Variants in GLIS1 observed in about 807,000 individuals in gnomAD.
The protein encoded by GLIS1 is zinc finger protein GLIS1.
In GLIS1, 24 loss-of-function variants were observed where a neutral mutation model predicts 63.8. That is an observed-to-expected ratio of 0.38 (90% confidence interval 0.27 to 0.53). GLIS1 has a LOEUF of 0.53. GLIS1 is among the 20% of genes least tolerant of loss of function. The probability of loss-of-function intolerance (pLI) is 0.85; values close to 1 mark genes in which losing one functional copy is unlikely to be tolerated. For synonymous variants in GLIS1, 450 were observed against 482.5 expected (o/e 0.93, Z 0.88); for missense variants, 1,036 against 1,074.1 (o/e 0.96, Z 0.50).
intron 10 of GLIS1, among the ~76,000 whole-genome samples, 167 bp from the exon 11 acceptor site, chr1:53,506,943 G>T (rs557621617): frequency 6.6e-6 from 1 of 152,164 alleles, no homozygotes; most frequent in Non-Finnish European, 1.5e-5. Flanking sequence ...GGAGCTGGCC[G>T]CTGGGGTGGG....
At chr1:53,734,421 G>A (rs1217418635) in intron 2 of GLIS1, among the ~76,000 whole-genome samples, 6 of 152,196 alleles carry the variant, frequency 3.9e-5, no homozygotes, top group South Asian at 2.1e-4. Context: ...GAAGGCCTTC[G>A]TGTGAATGCC....
intron 2 of GLIS1, among the ~76,000 whole-genome samples, chr1:53,690,533 T>C (rs1178414908): frequency 6.6e-6 from 1 of 152,242 alleles, no homozygotes; most frequent in Non-Finnish European, 1.5e-5. Context: ...AACGTCTGCA[T>C]CTGGCAATGG....
rs1459258594 is a variant in GLIS1 at position 53,524,802 on chromosome 1, G to C, written c.1568C>G (p.Ala523Gly). 2 of 1,613,482 alleles carry C rather than the reference G, an allele frequency of 1.2e-6. No homozygotes were observed. Among genetic ancestry groups the C allele is most frequent in the African/African-American group, 2.7e-5 (2 of 75,048 alleles). Residue 523 changes from alanine (A) to glycine (G), a missense_variant, in exon 6 of 11, where the codon GCC (alanine) becomes GGC (glycine). Physicochemically the swap from Ala to Gly is moderately conservative, Grantham distance 60. Coordinates refer to ENST00000628545, the MANE Select transcript of GLIS1 (RefSeq NM_001367484.1). Reference sequence around the variant, plus strand: ...CTTCTTACGCACCTGCTGCTCTTTGGCTGAATGGGCCTTGACGTGCTTGCG... The same window carrying C: ...CTTCTTACGCACCTGCTGCTCTTTGCCTGAATGGGCCTTGACGTGCTTGCG... The part of the protein sequence containing the change: ...SLRKHVKAHS[A>G]KEQQVRKKLH...
At chr1:53,551,973 A>C (rs1406822986) in intron 4 of GLIS1, among the ~76,000 whole-genome samples, 1 of 152,016 alleles carries the variant, frequency 6.6e-6, no homozygotes, top group East Asian at 1.9e-4. Context: ...ACCCAACCAG[A>C]AAACTTCCCA....
At chr1:53,608,897 C>A (rs1217080993) in intron 2 of GLIS1, among the ~76,000 whole-genome samples, 1 of 152,118 alleles carries the variant, frequency 6.6e-6, no homozygotes, top group East Asian at 1.9e-4. Context: ...ATGACTCTGC[C>A]CCCCTGCATG....
At chr1:53,677,399 G>C (rs1646225052) in intron 2 of GLIS1, among the ~76,000 whole-genome samples, 1 of 152,152 alleles carries the variant, frequency 6.6e-6, no homozygotes, top group Non-Finnish European at 1.5e-5. Flanking sequence ...AGGAATTCGA[G>C]TCTGCCAGGT....
At chr1:53,634,974 T>A (rs1474008582) in intron 2 of GLIS1, among the ~76,000 whole-genome samples, 1 of 152,060 alleles carries the variant, frequency 6.6e-6, no homozygotes, top group Non-Finnish European at 1.5e-5. Context: ...AGCATGACAA[T>A]CTCTGCTTTC....
At chr1:53,584,777 A>G (rs902679779) in intron 4 of GLIS1, among the ~76,000 whole-genome samples, 2 of 152,168 alleles carry the variant, frequency 1.3e-5, no homozygotes, top group Non-Finnish European at 2.9e-5. Context: ...CCCATCCCCC[A>G]TTTAACAGAC....
At chr1:53,549,308 C>T (rs1644735982) in intron 4 of GLIS1, among the ~76,000 whole-genome samples, 2 of 152,224 alleles carry the variant, frequency 1.3e-5, no homozygotes, top group African/African-American at 2.4e-5. Context: ...CTAGGAGAGA[C>T]ATTGATGGAT....
Position 53,574,320 on chromosome 1 carries a change from T to C in GLIS1, c.1320+19788A>G, listed in dbSNP as rs1402350212. 6.6e-6 allele frequency among the ~76,000 whole-genome samples: 1 copy of C among 152,198 alleles called. No individual in the cohort carries two copies. Among genetic ancestry groups the C allele is most frequent in the East Asian group, 1.9e-4 (1 of 5,198 alleles). On this transcript the variant is annotated intron_variant, in intron 4 of 10. Coordinates refer to ENST00000628545, the MANE Select transcript of GLIS1 (RefSeq NM_001367484.1). This position sits in a 1 kb window ranked among gnomAD's most constrained non-coding sequence, Gnocchi z 4.2. ...TGCTCTGTCCCAGAATATGCACCGC[T>C]CTGTACCCAGAACATGCACATGGCC... is the stretch of plus-strand genomic sequence containing the variant.
At chr1:53,640,165 G>A (rs1645770605) in intron 2 of GLIS1, among the ~76,000 whole-genome samples, 1 of 152,184 alleles carries the variant, frequency 6.6e-6, no homozygotes, top group Non-Finnish European at 1.5e-5. Flanking sequence ...AAAGTCAGAG[G>A]TGGGGTACCA....
At chr1:53,652,542 T>C (rs1012619997) in intron 2 of GLIS1, among the ~76,000 whole-genome samples, 24 of 152,288 alleles carry the variant, frequency 1.6e-4, no homozygotes, top group African/African-American at 5.8e-4. Context: ...TCCATGTCCC[T>C]GGGCCCTATG....
At chr1:53,583,538 G>T (rs1318774938) in intron 4 of GLIS1, among the ~76,000 whole-genome samples, 2 of 152,180 alleles carry the variant, frequency 1.3e-5, no homozygotes. Context: ...GTACCACATT[G>T]TCCATCTGCT....
At chr1:53,698,816 G>A (rs894844916) in intron 2 of GLIS1, among the ~76,000 whole-genome samples, 1 of 152,180 alleles carries the variant, frequency 6.6e-6, no homozygotes. Context: ...CATGGTTTAC[G>A]AGCCCATTGA....
intron 4 of GLIS1, among the ~76,000 whole-genome samples, chr1:53,536,309 C>T (rs186826568): frequency 0.014 from 2,103 of 152,142 alleles, 24 homozygotes; most frequent in Non-Finnish European, 0.022. Flanking sequence ...GAAAAGCAGG[C>T]ATGTATAACA....
chr1:53,515,475 AC>A (rs1344910461), intron 7 of GLIS1, among the ~76,000 whole-genome samples: 1 of 152,098 alleles, frequency 6.6e-6, no homozygotes, highest in Non-Finnish European at 1.5e-5. Context: ...GGTACACTGA[AC>A]AAGGGTCCCA....
chr1:53,597,110 C>G (rs889476870), intron 3 of GLIS1, among the ~76,000 whole-genome samples: 1 of 134,894 alleles, frequency 7.4e-6, no homozygotes, highest in Admixed American at 8.9e-5. Flanking sequence ...CCCCACTCAA[C>G]GGCAGTTGGG....
intron 4 of GLIS1, among the ~76,000 whole-genome samples, chr1:53,541,015 G>A (rs1189338554): frequency 6.6e-6 from 1 of 152,220 alleles, no homozygotes; most frequent in East Asian, 1.9e-4. Context: ...CATCTTGCGA[G>A]GGGGCAGTGT....
chr1:53,561,895 C>T (rs17108812), intron 4 of GLIS1, among the ~76,000 whole-genome samples: 9,790 of 152,270 alleles, frequency 0.064, 1,037 homozygotes, highest in African/African-American at 0.22. Flanking sequence ...ATGAATCTCT[C>T]CACACCCTCG....
Sources: allele counts gnomAD v4.1 joint callset (sites outside exome capture counted in the v4.1 genomes callset), GRCh38; gene constraint gnomAD v4.1.1; non-coding constraint Gnocchi (gnomAD v3.1); transcripts MANE v1.5; gene names NCBI Gene and HGNC (gene_info 2026-07-23, HGNC 2026-07-21).